Variants in JAML observed in about 807,000 individuals in gnomAD.
The protein encoded by JAML is junction adhesion molecule like.
JAML carries 25 observed loss-of-function variants against 39.3 expected under a neutral mutation model. The observed-to-expected ratio is 0.64, with a 90% CI of 0.46 to 0.89. The LOEUF (loss-of-function observed/expected upper bound fraction) is 0.89, where lower values mean the gene tolerates loss of function less well. Among genes scored for constraint, JAML ranks in the 40% least tolerant of loss-of-function variants. JAML has a pLI of 0.00. For synonymous variants in JAML, 162 were observed against 179.2 expected (o/e 0.90, Z 0.77); for missense variants, 440 against 486.9 (o/e 0.90, Z 0.91).
At chr11:118,224,705 A>T (rs974823600) in intron 1 of JAML, among the ~76,000 whole-genome samples, 2 of 152,168 alleles carry the variant, frequency 1.3e-5, no homozygotes, top group African/African-American at 4.8e-5. Flanking sequence ...TCTTATTATG[A>T]TGAAACTTTG....
rs1469976113 is a variant in JAML, at chr11:118,205,911, C to G, written c.505G>C (p.Glu169Gln). The part of the protein sequence containing the change: ...STEVKHVTKV[E>Q]WIFSGRRAKE... Reference sequence around the variant, plus strand: ...GCGCGCCGTCCTGAAAATATCCATTCTACCTTGGTCACGTGTTTCACTTCT... The same window carrying G: ...GCGCGCCGTCCTGAAAATATCCATTGTACCTTGGTCACGTGTTTCACTTCT... Residue 169 changes from glutamate to glutamine, a missense_variant, in exon 5 of 10, where the codon GAA becomes CAA. Transcript: ENST00000356289. 3 of 1,614,130 alleles carry G rather than the reference C, an allele frequency of 1.9e-6. No homozygotes were observed. The South Asian group carries it at 3.3e-5, about 18-fold the overall frequency.
At position 118,194,289 on chromosome 11, in the gene JAML, C is replaced by T; in HGVS notation, c.*36G>A. On this transcript the variant is annotated 3_prime_UTR_variant, in exon 10 of 10. Transcript: ENST00000356289. ...CCAGGACACACACAGGAGAGAGTCTCCACCGCTGCTGAGATGAAGGGACTC... is the reference window on the plus strand; with the variant it reads ...CCAGGACACACACAGGAGAGAGTCTTCACCGCTGCTGAGATGAAGGGACTC... 1 of 1,569,220 alleles carries T rather than the reference C, an allele frequency of 6.4e-7. No individual in the cohort carries two copies. Among genetic ancestry groups the T allele is most frequent in the Non-Finnish European group, 8.8e-7 (1 of 1,139,394 alleles).
Position 118,203,676 on chromosome 11 carries a change from A to T in JAML, c.535-11T>A, listed in dbSNP as rs1482047746. ...AAATACAATCTCCTCCTAGAAGTGA[A>T]AGACAAAAAGTATGATATTGTGAGG... is the stretch of plus-strand genomic sequence containing the variant. On this transcript the variant is annotated splice_polypyrimidine_tract_variant and intron_variant, in intron 5 of 9. Coordinates refer to ENST00000356289, the MANE Select transcript of JAML (RefSeq NM_001098526.2). The T allele has an allele frequency of 6.3e-7, 1 of 1,598,330 alleles. No homozygotes were observed. Among genetic ancestry groups the T allele is most frequent in the Non-Finnish European group, 8.6e-7 (1 of 1,165,846 alleles).
chr11:118,194,420 G>A lies in JAML; in HGVS notation c.1093-3C>T, dbSNP rs1299248893. The stretch of plus-strand genomic sequence containing the variant: ...CTCAGAGAAGGCCAAACTGGGTGCT[G>A]TGGGGGAAGGGCAGAAAGAAACAAA... On this transcript the variant is annotated splice_polypyrimidine_tract_variant and splice_region_variant and intron_variant, in intron 9 of 9. Transcript: ENST00000356289. 6.2e-7 allele frequency: 1 copy of A among 1,613,556 alleles called. No homozygotes were observed. Among genetic ancestry groups the A allele is most frequent in the Non-Finnish European group, 8.5e-7 (1 of 1,179,460 alleles).
In JAML at chr11:118,216,910, A is replaced by C. The variant is rs114648958; in HGVS notation, c.-20-2024T>G. ...CCGTGCCACCCACCTTGCCCCATACATACATGGATGAAGGTCATAAGGGGC... is the reference window on the plus strand; with the variant it reads ...CCGTGCCACCCACCTTGCCCCATACCTACATGGATGAAGGTCATAAGGGGC... On this transcript the variant is annotated intron_variant, in intron 1 of 9. Coordinates refer to ENST00000356289, the MANE Select transcript of JAML (RefSeq NM_001098526.2). Among the ~76,000 whole-genome samples the C allele has an allele frequency of 5.1e-3, 781 of 152,278 alleles. 6 individuals carry two copies. Among genetic ancestry groups the C allele is most frequent in the African/African-American group, 0.017 (706 of 41,546 alleles).
At chr11:118,219,244 G>T (rs1300369488) in intron 1 of JAML, among the ~76,000 whole-genome samples, 1 of 152,122 alleles carries the variant, frequency 6.6e-6, no homozygotes, top group Non-Finnish European at 1.5e-5. Context: ...ACCAGTTAGG[G>T]TGGTTATTAT....
chr11:118,193,767 C>A lies in JAML; in HGVS notation c.*558G>T, dbSNP rs957175524. ...ATTCATACCCTACTTCCAACCCATT[C>A]ACCCCAAACCTTTCCCAGGACCAAA... On this transcript the variant is annotated 3_prime_UTR_variant, in exon 10 of 10. Coordinates refer to ENST00000356289, the MANE Select transcript of JAML (RefSeq NM_001098526.2). 6.4e-6 allele frequency: 1 copy of A among 155,386 alleles called. No individual in the cohort carries two copies. Among genetic ancestry groups the A allele is most frequent in the Non-Finnish European group, 1.4e-5 (1 of 69,852 alleles). 9.6% of individuals were successfully genotyped at this position (155,386 alleles called of 1,614,324 possible).
chr11:118,203,132 A>T (rs1948844509), intron 6 of JAML: 2 of 552,944 alleles, frequency 3.6e-6, no homozygotes, highest in Non-Finnish European at 6.9e-6. Context: ...GTATCTTTAC[A>T]TCAGTAGATG....
At chr11:118,207,749 A>G (rs1364559602) in intron 4 of JAML, among the ~76,000 whole-genome samples, 1 of 147,162 alleles carries the variant, frequency 6.8e-6, no homozygotes, top group Non-Finnish European at 1.5e-5. Flanking sequence ...TAGCTGGAAG[A>G]AAAAAAAAAT....
chr11:118,203,138 AGATGACCCTG>A, intron 6 of JAML: 1 of 562,624 alleles, frequency 1.8e-6, no homozygotes, highest in South Asian at 1.5e-5. Context: ...TTACATCAGT[AGATGACCCTG>A]GCAATGAGTG....
chr11:118,216,575 C>T (rs1653748931), intron 1 of JAML, among the ~76,000 whole-genome samples: 1 of 151,968 alleles, frequency 6.6e-6, no homozygotes, highest in Non-Finnish European at 1.5e-5. Context: ...AATAGTATAA[C>T]GTAGATAACA....
intron 1 of JAML, 62 bp from the exon 2 acceptor site, chr11:118,214,948 C>A: frequency 6.7e-7 from 1 of 1,486,530 alleles, no homozygotes; most frequent in Admixed American, 1.7e-5. Context: ...ATTTAAAAAA[C>A]CAATAGTGAA....
intron 3 of JAML, among the ~76,000 whole-genome samples, chr11:118,211,264 G>T (rs1052803223): frequency 5.3e-5 from 8 of 152,150 alleles, no homozygotes; most frequent in Non-Finnish European, 1.2e-4. Flanking sequence ...TTTTGGTTTT[G>T]TATTGTTTTC....
chr11:118,214,318 A>G (rs940526241), intron 2 of JAML, among the ~76,000 whole-genome samples: 8 of 152,188 alleles, frequency 5.3e-5, no homozygotes, highest in Non-Finnish European at 7.3e-5. Flanking sequence ...CCTGAAGGGT[A>G]AGGAAGCATC....
intron 1 of JAML, among the ~76,000 whole-genome samples, chr11:118,215,761 A>G (rs534333213): frequency 3.3e-5 from 5 of 152,032 alleles, no homozygotes; most frequent in Non-Finnish European, 7.4e-5. Flanking sequence ...TATGCATGTT[A>G]TCTCTGTAGT....
At chr11:118,206,201 A>C (rs1428838696) in intron 4 of JAML, among the ~76,000 whole-genome samples, 2 of 152,176 alleles carry the variant, frequency 1.3e-5, no homozygotes, top group Non-Finnish European at 2.9e-5. Flanking sequence ...CTCCTCCCTC[A>C]GACCAGCACA....
chr11:118,213,497 GGAAT>G (rs1949100190), intron 2 of JAML: 1 of 246,058 alleles, frequency 4.1e-6, no homozygotes, highest in African/African-American at 2.3e-5. Context: ...CCCTTCAGAG[GGAAT>G]TATTTTGAAA....
intron 1 of JAML, among the ~76,000 whole-genome samples, chr11:118,223,295 ATGTGTCT>A (rs1949228725): frequency 6.6e-6 from 1 of 152,086 alleles, no homozygotes; most frequent in Admixed American, 6.6e-5. Context: ...ATCCGGGCCC[ATGTGTCT>A]GAATAATGGT....
chr11:118,209,697 TA>T (rs201605302), intron 4 of JAML, among the ~76,000 whole-genome samples: 228 of 103,840 alleles, frequency 2.2e-3, no homozygotes, highest in South Asian at 6.1e-3. Flanking sequence ...CTATTATTAT[TA>T]TTTTTTTTTT....
Sources: allele counts gnomAD v4.1 joint callset (sites outside exome capture counted in the v4.1 genomes callset), GRCh38; gene constraint gnomAD v4.1.1; transcripts MANE v1.5; gene names NCBI Gene and HGNC (gene_info 2026-07-23, HGNC 2026-07-21).